EHD3: variants seen among roughly 807,000 people sequenced by gnomAD.
EHD3 encodes the protein EH domain-containing protein 3.
Under a neutral mutation model 43.0 loss-of-function variants are expected in EHD3, and 17 were observed. That is an observed-to-expected ratio of 0.40 (90% CI 0.27 to 0.59). The LOEUF (loss-of-function observed/expected upper bound fraction) is 0.59, where lower values mean the gene tolerates loss of function less well. Ranked by LOEUF, EHD3 falls within the 20% of genes least tolerant of loss-of-function variation. The probability of loss-of-function intolerance (pLI) is 0.49; values close to 1 mark genes in which losing one functional copy is unlikely to be tolerated. For missense variants in EHD3, 594 were observed against 705.6 expected, an observed-to-expected ratio of 0.84 and a Z score of 1.79; for synonymous variants, 313 against 289.5, an observed-to-expected ratio of 1.08 and a Z score of -0.82.
chr2:31,251,909 C>T (rs1031528476), intron 3 of EHD3, among the ~76,000 whole-genome samples: 1 of 152,138 alleles, frequency 6.6e-6, no homozygotes, highest in Non-Finnish European at 1.5e-5. Flanking sequence ...GTTTACCCTG[C>T]GTTTAAGCCT....
At position 31,234,831 on chromosome 2, in the gene EHD3, G is replaced by A. The variant is rs1162235070; in HGVS notation, c.210G>A (p.Gly70=). Residue 70 remains glycine (G), a synonymous_variant, in exon 1 of 6, where the codon GGG becomes GGA. Coordinates refer to ENST00000322054, the MANE Select transcript of EHD3 (RefSeq NM_014600.3). The part of the protein sequence containing the change: ...MVLLVGQYST[G]KTTFIRYLLE... ...TGCTGGTGGGCCAGTACTCCACTGG[G>A]AAGACCACCTTCATCAGGTGAGCCG... is the stretch of plus-strand genomic sequence containing the variant. 9 of 1,614,152 alleles carry A rather than the reference G, an allele frequency of 5.6e-6. No homozygotes were observed. The highest frequency in any genetic ancestry group is 1.6e-4 in the Middle Eastern group (1 of 6,062).
intron 3 of EHD3, among the ~76,000 whole-genome samples, chr2:31,259,127 A>G (rs983902519): frequency 5.3e-5 from 8 of 152,238 alleles, no homozygotes; most frequent in Non-Finnish European, 1.0e-4. Context: ...CCCTTGTGCT[A>G]TGGGGAGCCA....
In EHD3 at chr2:31,268,824, T is replaced by C. The variant is rs678829; in HGVS notation, c.*2120T>C. On this transcript the variant is annotated 3_prime_UTR_variant, in exon 6 of 6. Transcript: ENST00000322054. ...AAGGAAATAGCAGAGGTAGGTGAAG[T>C]TCCTGTCTTTTTATTTTATAGGAAA... 0.11 allele frequency: 16,847 copies of C among 152,100 alleles called. 996 individuals are homozygous for C. The highest frequency in any genetic ancestry group is 0.13 in the Middle Eastern group (37 of 294). 9.4% of individuals were successfully genotyped at this position (152,100 alleles called of 1,614,324 possible).
At chr2:31,264,076 TAA>T (rs1483623464) in intron 5 of EHD3, among the ~76,000 whole-genome samples, 8 of 152,306 alleles carry the variant, frequency 5.3e-5, no homozygotes, top group African/African-American at 1.4e-4. Flanking sequence ...ACATCCTCAG[TAA>T]TGCATTGTTA....
rs1373538841 is a variant in EHD3 at position 31,266,127 on chromosome 2, G to T, written c.1081-50G>T. 3 of 1,551,076 alleles carry T rather than the reference G, an allele frequency of 1.9e-6. No individual in the cohort carries two copies. The highest frequency in any genetic ancestry group is 1.9e-5 in the Admixed American group (1 of 53,992). ...ATAGGAGGCACGTGATAAATGGAGGGCTCTCCTTTCATCGTATCCTATCTT... is the reference window on the plus strand; with the variant it reads ...ATAGGAGGCACGTGATAAATGGAGGTCTCTCCTTTCATCGTATCCTATCTT... On this transcript the variant is annotated intron_variant, in intron 5 of 5. Transcript: ENST00000322054. This position sits in a 1 kb window ranked among gnomAD's most constrained non-coding sequence, Gnocchi z 5.1.
Position 31,261,692 on chromosome 2 carries a change from C to T in EHD3, c.1059C>T (p.Phe353=), listed in dbSNP as rs747451526. 10 of 1,614,152 alleles carry T rather than the reference C, an allele frequency of 6.2e-6. No homozygotes were observed. The South Asian group carries it at 9.9e-5, about 16-fold the overall frequency. ...AGCACCAGATCTCACCTGGGGACTT[C>T]CCCAATCTGAAGAGGATGCAGGTAG... ...EREHQISPGD[F]PNLKRMQDQL... The change falls in exon 5 of 6, where the codon TTC becomes TTT. Residue 353 remains phenylalanine, a synonymous_variant. Coordinates refer to ENST00000322054, the MANE Select transcript of EHD3 (RefSeq NM_014600.3).
chr2:31,267,854 T>TG lies in EHD3; in HGVS notation c.*1150_*1151insG, dbSNP rs1683985668. On this transcript the variant is annotated 3_prime_UTR_variant, in exon 6 of 6. Transcript: ENST00000322054. ...GGGCCGGCCAGCATTTGGTGGCCCA[T>TG]CAGTCTGGCCATCTGTCACGTCACA... 4 of 152,346 alleles carry TG rather than the reference T, an allele frequency of 2.6e-5. No homozygotes were observed. The South Asian group carries it at 8.3e-4, about 32-fold the overall frequency. The allele number at this position is 152,346 out of a possible 1,614,324, so 9.4% of individuals were successfully genotyped here.
At chr2:31,252,037 G>A (rs611076) in intron 3 of EHD3, among the ~76,000 whole-genome samples, 17,217 of 152,240 alleles carry the variant, frequency 0.11, 1,075 homozygotes, top group African/African-American at 0.12. Context: ...TGCAAGGCCA[G>A]TGTAGCCTGA....
intron 3 of EHD3, among the ~76,000 whole-genome samples, chr2:31,254,986 C>A (rs755758415): frequency 6.6e-6 from 1 of 152,196 alleles, no homozygotes; most frequent in East Asian, 1.9e-4. Context: ...TGATGGAAGC[C>A]GGCGGGTGAG....
chr2:31,238,000 G>T (rs1300025007), intron 1 of EHD3, among the ~76,000 whole-genome samples: 2 of 149,748 alleles, frequency 1.3e-5, no homozygotes, highest in Admixed American at 1.3e-4. Flanking sequence ...TGTTTTTTTT[G>T]TTTGTTTTTG....
At chr2:31,250,330 G>A (rs1264310562) in intron 3 of EHD3, among the ~76,000 whole-genome samples, 10 of 147,834 alleles carry the variant, frequency 6.8e-5, no homozygotes. Flanking sequence ...GCAGTGGCAC[G>A]ATCTCAGCTC....
chr2:31,241,486 C>G (rs1683423116), intron 1 of EHD3, among the ~76,000 whole-genome samples: 1 of 152,210 alleles, frequency 6.6e-6, no homozygotes, highest in South Asian at 2.1e-4. Context: ...TGGTTAAATG[C>G]TTAACTTCTG....
Position 31,260,360 on chromosome 2 carries a change from G to T in EHD3, c.503-150G>T. ...CTATGAGACATTGAGTAATTTGCTG[G>T]AGTCCAAACAGTTAAAATGTGGAGG... On this transcript the variant is annotated intron_variant, in intron 3 of 5. Transcript: ENST00000322054. The surrounding 1 kb of genome is among the most constrained non-coding windows in gnomAD (Gnocchi z 4.6). 2.8e-6 allele frequency: 2 copies of T among 714,170 alleles called. No homozygotes were observed. Among genetic ancestry groups the T allele is most frequent in the Non-Finnish European group, 2.1e-6 (1 of 471,960 alleles). The allele number at this position is 714,170 out of a possible 1,614,324, so 44.2% of individuals were successfully genotyped here.
intron 5 of EHD3, among the ~76,000 whole-genome samples, chr2:31,262,684 G>A (rs1031867171): frequency 2.0e-5 from 3 of 152,218 alleles, no homozygotes; most frequent in Admixed American, 1.3e-4. Flanking sequence ...TTGGGAAGCC[G>A]AGGCGGGCAG....
rs1227908042 is a variant in EHD3 at position 31,261,640 on chromosome 2, C to G, written c.1007C>G (p.Ala336Gly). The change falls in exon 5 of 6, where the codon GCC (alanine) becomes GGC (glycine). Residue 336 changes from alanine (A) to glycine (G), a missense_variant. Physicochemically the swap from Ala to Gly is moderately conservative, Grantham distance 60. Around this residue, in one of 3 missense-constraint regions of EHD3, gnomAD observed 322 missense variants for 348.0 expected, o/e 0.93. Coordinates refer to ENST00000322054, the MANE Select transcript of EHD3 (RefSeq NM_014600.3). ...NKKKELVNNL[A>G]EIYGRIEREH... ...AAGAAGGAGCTGGTCAACAACCTGG[C>G]CGAGATCTATGGCCGGATCGAGCGG... The G allele has an allele frequency of 6.2e-7, 1 of 1,614,068 alleles. No individual in the cohort carries two copies. The highest frequency in any genetic ancestry group is 1.3e-5 in the African/African-American group (1 of 74,926).
Position 31,260,196 on chromosome 2 carries a change from G to A in EHD3, c.503-314G>A, listed in dbSNP as rs56282008. On this transcript the variant is annotated intron_variant, in intron 3 of 5. Transcript: ENST00000322054. The surrounding 1 kb of genome is among the most constrained non-coding windows in gnomAD (Gnocchi z 4.6). ...AGCCTGGGTGAGAGAGCAAGACTCCGTCTCAAAAAAAAAAGTAACTAGCAT... is the reference window on the plus strand; with the variant it reads ...AGCCTGGGTGAGAGAGCAAGACTCCATCTCAAAAAAAAAAGTAACTAGCAT... 0.016 allele frequency among the ~76,000 whole-genome samples: 2,362 copies of A among 151,484 alleles called. 63 individuals carry two copies. The highest frequency in any genetic ancestry group is 0.055 in the African/African-American group (2,264 of 41,286).
Position 31,266,030 on chromosome 2 carries a change from T to A in EHD3, c.1081-147T>A. On this transcript the variant is annotated intron_variant, in intron 5 of 5. Coordinates refer to ENST00000322054, the MANE Select transcript of EHD3 (RefSeq NM_014600.3). The surrounding 1 kb of genome is among the most constrained non-coding windows in gnomAD (Gnocchi z 5.1). ...TCATACCTTCGATTACCACGTGATG[T>A]CCATCAGCTGAGCCTCTAGGTCACA... is the stretch of plus-strand genomic sequence containing the variant. 1 of 1,018,622 alleles carries A rather than the reference T, an allele frequency of 9.8e-7. No homozygotes were observed. The highest frequency in any genetic ancestry group is 1.4e-6 in the Non-Finnish European group (1 of 718,494). The allele number at this position is 1,018,622 out of a possible 1,614,324, so 63.1% of individuals were successfully genotyped here. A position where few individuals can be genotyped will look rare whatever the true frequency, so the allele number is the denominator to read the frequency against.
At chr2:31,258,214 G>T (rs575959690) in intron 3 of EHD3, among the ~76,000 whole-genome samples, 1 of 152,234 alleles carries the variant, frequency 6.6e-6, no homozygotes, top group East Asian at 1.9e-4. Flanking sequence ...CCAAAGGAGG[G>T]TTTGACCTTC....
At position 31,244,261 on chromosome 2, in the gene EHD3, T is replaced by A; in HGVS notation, c.228-13T>A. On this transcript the variant is annotated splice_polypyrimidine_tract_variant and intron_variant, in intron 1 of 5. Coordinates refer to ENST00000322054, the MANE Select transcript of EHD3 (RefSeq NM_014600.3). The stretch of plus-strand genomic sequence containing the variant: ...CAGAACGCCTGCATTAGGACTGTGC[T>A]TCTTCCTGCTAGGTACCTGCTGGAA... The A allele has an allele frequency of 1.2e-6, 2 of 1,611,392 alleles. No individual in the cohort carries two copies. The highest frequency in any genetic ancestry group is 1.7e-6 in the Non-Finnish European group (2 of 1,178,026).
Sources: gnomAD v4.1 joint callset for allele counts (sites outside exome capture counted in the v4.1 genomes callset) on GRCh38, gnomAD v4.1.1 for gene constraint, gnomAD v4.1.1 regional missense constraint, Gnocchi (gnomAD v3.1) non-coding constraint, MANE v1.5 for transcripts, NCBI Gene and HGNC (gene_info 2026-07-23, HGNC 2026-07-21) for gene names.